CDK14: variants seen among roughly 807,000 people sequenced by gnomAD.
CDK14 encodes cyclin-dependent kinase 14.
CDK14 carries 34 observed loss-of-function variants against 60.7 expected under a neutral mutation model. That is an observed-to-expected ratio of 0.56 (90% confidence interval 0.43 to 0.75). The LOEUF (loss-of-function observed/expected upper bound fraction) is 0.75, where lower values mean the gene tolerates loss of function less well. Ranked by LOEUF, CDK14 falls within the 30% of genes least tolerant of loss-of-function variation. CDK14 has a pLI of 0.00. For synonymous variants in CDK14, 197 were observed against 203.7 expected, an observed-to-expected ratio of 0.97 and a Z score of 0.28; for missense variants, 482 against 564.1, an observed-to-expected ratio of 0.85 and a Z score of 1.47.
chr7:91,113,482 A>T (rs1484670866), intron 13 of CDK14, among the ~76,000 whole-genome samples: 2 of 152,174 alleles, frequency 1.3e-5, no homozygotes, highest in Non-Finnish European at 2.9e-5. Flanking sequence ...GTGAAACAGA[A>T]TTCTTGTGAA....
At chr7:91,182,797 T>C (rs1802045247) in intron 14 of CDK14, among the ~76,000 whole-genome samples, 1 of 152,144 alleles carries the variant, frequency 6.6e-6, no homozygotes, top group Admixed American at 6.5e-5. Context: ...CCTACACAAA[T>C]ATAAGAGATT....
intron 2 of CDK14, among the ~76,000 whole-genome samples, chr7:90,717,219 A>G (rs186561450): frequency 1.2e-3 from 177 of 152,198 alleles, no homozygotes; most frequent in African/African-American, 4.0e-3. Context: ...ATAGGCATCT[A>G]CCTATATGAG....
intron 14 of CDK14, among the ~76,000 whole-genome samples, chr7:91,194,067 A>C (rs1003505730): frequency 6.6e-6 from 1 of 152,156 alleles, no homozygotes; most frequent in African/African-American, 2.4e-5. Context: ...CAGAGAGCTA[A>C]AGAAGGAGTG....
intron 2 of CDK14, among the ~76,000 whole-genome samples, chr7:90,707,741 T>C (rs1276220414): frequency 6.6e-6 from 1 of 152,182 alleles, no homozygotes; most frequent in Non-Finnish European, 1.5e-5. Context: ...CAAATGTCCT[T>C]CTTCTCCTGG....
intron 14 of CDK14, among the ~76,000 whole-genome samples, chr7:91,187,419 TC>T (rs1396346640): frequency 1.3e-5 from 2 of 152,228 alleles, no homozygotes; most frequent in African/African-American, 4.8e-5. Context: ...ATAATTATCT[TC>T]CTTTTTATTA....
At chr7:90,877,418 A>G (rs1252938995) in intron 6 of CDK14, among the ~76,000 whole-genome samples, 2 of 151,894 alleles carry the variant, frequency 1.3e-5, no homozygotes, top group East Asian at 3.9e-4. Flanking sequence ...TAAATTGGGA[A>G]CTGAGAAACT....
intron 5 of CDK14, among the ~76,000 whole-genome samples, chr7:90,860,548 A>G (rs1462154900): frequency 7.7e-6 from 1 of 130,044 alleles, no homozygotes; most frequent in Non-Finnish European, 1.6e-5. Context: ...TTTTTTTGAG[A>G]TAGAGTCTCA....
Position 90,596,497 on chromosome 7 carries a change from C to T in CDK14, c.-131C>T, listed in dbSNP as rs561748900. The T allele has an allele frequency of 5.8e-6, 4 of 691,988 alleles. No individual in the cohort carries two copies. The East Asian group carries it at 1.1e-4, about 19-fold the overall frequency. 42.9% of individuals were successfully genotyped at this position (691,988 alleles called of 1,614,324 possible). On this transcript the variant is annotated 5_prime_UTR_variant, in exon 1 of 15. Transcript: ENST00000380050. ...TGCTGCTCGCCTCCCTAGACCTGCG[C>T]GTCGCTTCCCGGCCCGCCGAGGAGG...
chr7:90,762,760 C>T (rs1044057163), intron 4 of CDK14, among the ~76,000 whole-genome samples: 18 of 152,146 alleles, frequency 1.2e-4, no homozygotes, highest in African/African-American at 3.1e-4. Context: ...CTGAGGCGGG[C>T]AGATTACTTG....
intron 14 of CDK14, among the ~76,000 whole-genome samples, chr7:91,174,438 C>T (rs563700067): frequency 4.0e-5 from 6 of 151,612 alleles, no homozygotes; most frequent in South Asian, 2.1e-4. Context: ...TCACCAGCAA[C>T]GGAACAAAGC....
At chr7:90,909,870 A>C (rs1792834108) in intron 7 of CDK14, among the ~76,000 whole-genome samples, 1 of 152,222 alleles carries the variant, frequency 6.6e-6, no homozygotes, top group Non-Finnish European at 1.5e-5. Context: ...GAAATGACAA[A>C]GCATGTTACT....
intron 5 of CDK14, among the ~76,000 whole-genome samples, chr7:90,811,437 C>T (rs1030613699): frequency 8.2e-4 from 124 of 152,088 alleles, no homozygotes; most frequent in African/African-American, 2.9e-3. Flanking sequence ...AAACTGGATC[C>T]CTTCCTTACA....
chr7:90,621,438 A>G (rs1159750073), intron 2 of CDK14, among the ~76,000 whole-genome samples: 1 of 152,202 alleles, frequency 6.6e-6, no homozygotes, highest in Non-Finnish European at 1.5e-5. Flanking sequence ...TTCCCCCTGC[A>G]AGACTGTGTA....
rs954104368 is a variant in CDK14 at position 91,102,120 on chromosome 7, C to T, written c.1155-10422C>T. On this transcript the variant is annotated intron_variant, in intron 12 of 14. Transcript: ENST00000380050. ...GTTGATTAATTCAGTGGCCAGCACC[C>T]GCATTGGTATCCTTGCCACAGAGAT... Among the ~76,000 whole-genome samples, 3 of 152,120 alleles carry T rather than the reference C, an allele frequency of 2.0e-5. No homozygotes were observed. In the South Asian group the frequency reaches 6.2e-4, roughly 32 times the overall value.
intron 2 of CDK14, among the ~76,000 whole-genome samples, chr7:90,619,602 C>T (rs762792620): frequency 2.6e-5 from 4 of 152,160 alleles, no homozygotes; most frequent in Middle Eastern, 3.4e-3. Context: ...TACATTGTAT[C>T]GTAATTTCTG....
intron 2 of CDK14, among the ~76,000 whole-genome samples, chr7:90,628,656 C>T (rs1327890165): frequency 6.6e-6 from 1 of 151,888 alleles, no homozygotes; most frequent in Non-Finnish European, 1.5e-5. Context: ...TACCTTGTCT[C>T]TAAAAATATA....
chr7:91,068,805 A>G (rs1562890953), intron 11 of CDK14, among the ~76,000 whole-genome samples: 1 of 95,128 alleles, frequency 1.1e-5, no homozygotes, highest in Non-Finnish European at 2.0e-5. Flanking sequence ...GATACCTTAT[A>G]TTAAAAAAAA....
intron 4 of CDK14, among the ~76,000 whole-genome samples, chr7:90,771,614 T>C (rs1360616247): frequency 6.6e-6 from 1 of 152,222 alleles, no homozygotes. Flanking sequence ...GATTGGTTTA[T>C]GGATAGGCTT....
intron 10 of CDK14, among the ~76,000 whole-genome samples, chr7:91,034,977 C>T (rs1796878711): frequency 1.3e-5 from 2 of 149,038 alleles, no homozygotes; most frequent in African/African-American, 5.0e-5. Flanking sequence ...CACACACACA[C>T]ATTGATAGCT....
Sources: gnomAD v4.1 joint callset for allele counts (sites outside exome capture counted in the v4.1 genomes callset) on GRCh38, gnomAD v4.1.1 for gene constraint, MANE v1.5 for transcripts, NCBI Gene and HGNC (gene_info 2026-07-23, HGNC 2026-07-21) for gene names.